Variants in RERG observed in about 807,000 individuals in gnomAD.
The protein encoded by RERG is RAS like estrogen regulated growth inhibitor.
RERG carries 25 observed loss-of-function variants against 23.2 expected under a neutral mutation model. The ratio of observed to expected loss-of-function variants is 1.08; its 90% CI spans 0.79 to 1.50. The LOEUF is 1.50. Ranked by LOEUF, RERG falls within the 40% of genes most tolerant of loss-of-function variation. The probability of loss-of-function intolerance (pLI) is 0.00; values close to 1 mark genes in which losing one functional copy is unlikely to be tolerated. For synonymous variants in RERG, 81 were observed against 89.1 expected (o/e 0.91, Z 0.51); for missense variants, 253 against 250.1 (o/e 1.01, Z -0.08).
chr12:15,130,778 G>A (rs997600690), intron 2 of RERG, among the ~76,000 whole-genome samples: 1 of 152,142 alleles, frequency 6.6e-6, no homozygotes, highest in African/African-American at 2.4e-5. Flanking sequence ...AAATATCATT[G>A]AGAACACATC....
intron 2 of RERG, 51 bp from the exon 3 acceptor site, chr12:15,121,170 G>T: frequency 7.1e-7 from 1 of 1,407,250 alleles, no homozygotes; most frequent in Non-Finnish European, 1.0e-6. Flanking sequence ...AATTTGCTTA[G>T]CACACCTATC....
intron 2 of RERG, among the ~76,000 whole-genome samples, chr12:15,216,623 T>C (rs1865443856): frequency 6.6e-6 from 1 of 152,202 alleles, no homozygotes; most frequent in Non-Finnish European, 1.5e-5. Flanking sequence ...TACAGTTAAT[T>C]ATGGTTCCTT....
rs1324738142 is a variant in RERG, at chr12:15,153,624, G to GTTT, written c.62-32506_62-32505insAAA. Among the ~76,000 whole-genome samples the GTTT allele has an allele frequency of 2.1e-3, 319 of 152,208 alleles. 1 individual carries two copies. The highest frequency in any genetic ancestry group is 6.9e-3 in the African/African-American group (287 of 41,526). On this transcript the variant is annotated intron_variant, in intron 2 of 4. Transcript: ENST00000256953. ...AATATAAAGAAAAAGAATATTCACG[G>GTTT]TGCATTACTTTTGGCAGCCTATCAT...
chr12:15,173,900 T>C (rs1340271785), intron 2 of RERG, among the ~76,000 whole-genome samples: 1 of 152,048 alleles, frequency 6.6e-6, no homozygotes, highest in Non-Finnish European at 1.5e-5. Flanking sequence ...TGATGTTGTC[T>C]GCAAATAGTT....
At chr12:15,158,237 T>C (rs974460349) in intron 2 of RERG, among the ~76,000 whole-genome samples, 2 of 152,138 alleles carry the variant, frequency 1.3e-5, no homozygotes, top group African/African-American at 2.4e-5. Context: ...TTAGTTGTTA[T>C]AACTCTTTAC....
intron 2 of RERG, among the ~76,000 whole-genome samples, chr12:15,213,290 G>A (rs535415873): frequency 6.6e-6 from 1 of 152,302 alleles, no homozygotes; most frequent in South Asian, 2.1e-4. Flanking sequence ...ATAAAAATGT[G>A]TGCATTCTAG....
chr12:15,217,098 C>T (rs185847867), intron 2 of RERG: 1 of 211,742 alleles, frequency 4.7e-6, no homozygotes, highest in African/African-American at 2.3e-5. Flanking sequence ...CCCTCAAGAT[C>T]TCATACATAG....
At chr12:15,161,920 T>G (rs888798595) in intron 2 of RERG, among the ~76,000 whole-genome samples, 1 of 152,202 alleles carries the variant, frequency 6.6e-6, no homozygotes, top group Non-Finnish European at 1.5e-5. Flanking sequence ...TTAAGTCTTA[T>G]GAAGCTTAAA....
At chr12:15,126,709 T>C (rs1181729310) in intron 2 of RERG, among the ~76,000 whole-genome samples, 1 of 134,748 alleles carries the variant, frequency 7.4e-6, no homozygotes. Flanking sequence ...ATAGCATTTC[T>C]TTTTCTTTTT....
chr12:15,206,245 T>C (rs181051237), intron 2 of RERG, among the ~76,000 whole-genome samples: 12 of 152,204 alleles, frequency 7.9e-5, no homozygotes, highest in Admixed American at 7.9e-4. Flanking sequence ...AGTTCTAGTT[T>C]TAAGGAACCA....
intron 4 of RERG, among the ~76,000 whole-genome samples, chr12:15,110,571 C>T (rs934310893): frequency 6.7e-6 from 1 of 150,238 alleles, no homozygotes; most frequent in Non-Finnish European, 1.5e-5. Context: ...CTCCGCCTCC[C>T]GGGTTCACAC....
chr12:15,108,762 A>C lies in RERG; in HGVS notation c.*348T>G, dbSNP rs1863544444. The C allele has an allele frequency of 5.4e-6, 1 of 183,882 alleles. No homozygotes were observed. The allele number at this position is 183,882 out of a possible 1,614,324, so 11.4% of individuals were successfully genotyped here. On this transcript the variant is annotated 3_prime_UTR_variant, in exon 5 of 5. Transcript: ENST00000256953. The stretch of plus-strand genomic sequence containing the variant: ...AAGAAAATTATTTGTAGTATCTGAC[A>C]AGAAATTGAATTTTTAAATGCCTTT...
Position 15,109,522 on chromosome 12 carries a change from T to A in RERG, c.193-5A>T, listed in dbSNP as rs758173914. ...CTCCCTCTGAATGGTATCTTCCTGT[T>A]GGCAAAGAAAAATGGCCGTCAAGAG... On this transcript the variant is annotated splice_polypyrimidine_tract_variant and splice_region_variant and intron_variant, in intron 4 of 4. Coordinates refer to ENST00000256953, the MANE Select transcript of RERG (RefSeq NM_032918.3). The A allele has an allele frequency of 7.0e-6, 11 of 1,567,966 alleles. No homozygotes were observed. The Admixed American group carries it at 2.1e-4, about 29-fold the overall frequency.
At chr12:15,149,569 A>G (rs928411251) in intron 2 of RERG, among the ~76,000 whole-genome samples, 1 of 152,206 alleles carries the variant, frequency 6.6e-6, no homozygotes, top group Non-Finnish European at 1.5e-5. Flanking sequence ...CCTGTGTTGC[A>G]TACTGGAGGG....
chr12:15,123,511 T>C (rs1863876882), intron 2 of RERG, among the ~76,000 whole-genome samples: 1 of 110,778 alleles, frequency 9.0e-6, no homozygotes, highest in Admixed American at 1.1e-4. Context: ...TCAAAACAGT[T>C]GTTTAATGTA....
At chr12:15,126,225 C>T (rs1408564516) in intron 2 of RERG, among the ~76,000 whole-genome samples, 2 of 148,024 alleles carry the variant, frequency 1.4e-5, no homozygotes, top group Non-Finnish European at 3.0e-5. Flanking sequence ...CTAGTCTCAA[C>T]CTTCTTTTGT....
intron 2 of RERG, among the ~76,000 whole-genome samples, chr12:15,209,577 T>G (rs1039026560): frequency 1.3e-5 from 2 of 152,208 alleles, no homozygotes; most frequent in African/African-American, 4.8e-5. Context: ...GAACGCTCTT[T>G]TATATAAAAG....
At chr12:15,115,699 T>C (rs1015018242) in intron 3 of RERG, among the ~76,000 whole-genome samples, 4 of 152,160 alleles carry the variant, frequency 2.6e-5, no homozygotes, top group Admixed American at 6.5e-5. Flanking sequence ...GGTGGTTTTG[T>C]AATTATTTTT....
chr12:15,179,208 T>C (rs1228738510), intron 2 of RERG, among the ~76,000 whole-genome samples: 1 of 152,180 alleles, frequency 6.6e-6, no homozygotes, highest in African/African-American at 2.4e-5. Context: ...AGGATGAAAC[T>C]AAATCTCTCT....
Sources: gnomAD v4.1 joint callset for allele counts (sites outside exome capture counted in the v4.1 genomes callset) on GRCh38, gnomAD v4.1.1 for gene constraint, MANE v1.5 for transcripts, NCBI Gene and HGNC (gene_info 2026-07-23, HGNC 2026-07-21) for gene names.